The following SLC25A22 variants were observed in gnomAD, a reference collection of about 807,000 sequenced individuals.
SLC25A22 encodes the protein solute carrier family 25 member 22.
In SLC25A22, 23 loss-of-function variants were observed where a neutral mutation model predicts 33.7. The ratio of observed to expected loss-of-function variants is 0.68; its 90% CI spans 0.49 to 0.97. The LOEUF (loss-of-function observed/expected upper bound fraction) is 0.97, where lower values mean the gene tolerates loss of function less well. SLC25A22 is among the 50% of genes least tolerant of loss of function. The probability of loss-of-function intolerance (pLI) is 0.00; values close to 1 mark genes in which losing one functional copy is unlikely to be tolerated. For missense variants in SLC25A22, 390 were observed against 451.1 expected (o/e 0.86, Z 1.23); for synonymous variants, 245 against 203.8 (o/e 1.20, Z -1.72).
intron 5 of SLC25A22, 92 bp from the exon 6 acceptor site, chr11:793,080 T>C: frequency 1.6e-6 from 2 of 1,234,506 alleles, no homozygotes; most frequent in South Asian, 2.5e-5. Flanking sequence ...CAGAGGATGG[T>C]GGGAGCCGTG....
intron 5 of SLC25A22, 70 bp from the exon 6 acceptor site, chr11:793,058 C>G (rs929866727): frequency 1.4e-6 from 2 of 1,445,026 alleles, no homozygotes; most frequent in African/African-American, 1.4e-5. Flanking sequence ...GGCTGCCCAC[C>G]ATGCCTGGGC....
At position 792,583 on chromosome 11, in the gene SLC25A22, A is replaced by G; in HGVS notation, c.557T>C (p.Leu186Pro). ...CAGCGTGGCCCCGAGTCCCTTGTAG[A>G]GACCGGCAATGCCACGGCTCCGCAG... ...DLLRSRGIAG[L>P]YKGLGATLLR... Residue 186 changes from leucine to proline, a missense_variant, in exon 7 of 10, where the codon CTC (leucine) becomes CCC (proline). Transcript: ENST00000628067. The G allele has an allele frequency of 6.2e-7, 1 of 1,611,802 alleles. No individual in the cohort carries two copies.
intron 1 of SLC25A22, chr11:797,766 G>C (rs1864914682): frequency 2.5e-6 from 1 of 398,558 alleles, no homozygotes; most frequent in African/African-American, 2.1e-5. Flanking sequence ...TCGGCCAGAG[G>C]ACAAAGGAGA....
chr11:792,208 G>A lies in SLC25A22; in HGVS notation c.752C>T (p.Thr251Met), dbSNP rs1332876414. Reference sequence around the variant, plus strand: ...GCCTCGCTGAAGTGACTGGAGCCGCGTCTTCACCACTGCAAGGGGCGCTCG... The same window carrying A: ...GCCTCGCTGAAGTGACTGGAGCCGCATCTTCACCACTGCAAGGGGCGCTCG... ...VAVNPCDVVK[T>M]RLQSLQRGVN... The change falls in exon 9 of 10, where the codon ACG becomes ATG. Residue 251 changes from threonine to methionine, a missense_variant. Physicochemically the swap from Thr to Met is moderately conservative, Grantham distance 81. Coordinates refer to ENST00000628067, the MANE Select transcript of SLC25A22 (RefSeq NM_001191061.2). 7 of 1,612,856 alleles carry A rather than the reference G, an allele frequency of 4.3e-6. No homozygotes were observed. In the Admixed American group the frequency reaches 5.0e-5, roughly 12 times the overall value.
chr11:795,256 T>C, intron 1 of SLC25A22, 87 bp from the exon 2 acceptor site: 2 of 632,120 alleles, frequency 3.2e-6, no homozygotes, highest in Non-Finnish European at 5.7e-6. Flanking sequence ...ACGCAGCCCC[T>C]CACCCACCAC....
chr11:796,660 G>A (rs918871897), intron 1 of SLC25A22, among the ~76,000 whole-genome samples: 2 of 152,214 alleles, frequency 1.3e-5, no homozygotes, highest in Non-Finnish European at 2.9e-5. Context: ...TGGGATGTGT[G>A]TCTGCTAGGG....
Position 791,603 on chromosome 11 carries a change from C to G in SLC25A22, c.*312G>C. On this transcript the variant is annotated 3_prime_UTR_variant, in exon 10 of 10. Coordinates refer to ENST00000628067, the MANE Select transcript of SLC25A22 (RefSeq NM_001191061.2). ...AGCCTGCCCGGCCCAGGCCCGGGGGCCCCCAGCCCAGAGACCAGCTCTGTC... is the reference window on the plus strand; with the variant it reads ...AGCCTGCCCGGCCCAGGCCCGGGGGGCCCCAGCCCAGAGACCAGCTCTGTC... 2.3e-6 allele frequency: 1 copy of G among 441,434 alleles called. No homozygotes were observed. The highest frequency in any genetic ancestry group is 4.1e-6 in the Non-Finnish European group (1 of 242,466). The allele number at this position is 441,434 out of a possible 1,614,324, so 27.3% of individuals were successfully genotyped here. A position where few individuals can be genotyped will look rare whatever the true frequency, so the allele number is the denominator to read the frequency against.
chr11:796,298 C>T (rs933845515), intron 1 of SLC25A22: 3 of 27,700 alleles, frequency 1.1e-4, no homozygotes, highest in Non-Finnish European at 2.7e-4. Flanking sequence ...GGCCGTGGGG[C>T]GGGGTGGGGC....
chr11:795,241 C>G, intron 1 of SLC25A22, 72 bp from the exon 2 acceptor site: 1 of 652,950 alleles, frequency 1.5e-6, no homozygotes, highest in Non-Finnish European at 2.8e-6. Context: ...CAGCCTCCCT[C>G]TCTCACGCAG....
chr11:794,519 GC>G lies in SLC25A22; in HGVS notation c.147-7del, dbSNP rs1223760812. On this transcript the variant is annotated splice_region_variant and splice_polypyrimidine_tract_variant and intron_variant, in intron 3 of 9. Coordinates refer to ENST00000628067, the MANE Select transcript of SLC25A22 (RefSeq NM_001191061.2). ...TCTTGATGAGGCAGTCGGACCTGTG[GC>G]CAAGGGGACAGGGTGAGCCAGGGCC... 1.7e-5 allele frequency: 27 copies of G among 1,612,130 alleles called. No homozygotes were observed. The highest frequency in any genetic ancestry group is 2.3e-5 in the Non-Finnish European group (27 of 1,179,616).
intron 1 of SLC25A22, chr11:795,829 G>A (rs1864796768): frequency 1.3e-5 from 2 of 154,906 alleles, no homozygotes; most frequent in South Asian, 3.9e-4. Context: ...TGGAAGCCTT[G>A]GGGGTGGGGG....
chr11:794,498 G>A lies in SLC25A22; in HGVS notation c.162C>T (p.Ile54=). ...AGTAGCCCTCGGAGCGGACGGTCTT[G>A]ATGAGGCAGTCGGACCTGTGGCCAA... ...RVYTSMSDCL[I]KTVRSEGYFG... is the part of the protein sequence containing the mutation. Residue 54 remains isoleucine (I), a synonymous_variant, in exon 4 of 10, where the codon ATC becomes ATT. Transcript: ENST00000628067. 1 of 1,612,878 alleles carries A rather than the reference G, an allele frequency of 6.2e-7. No individual in the cohort carries two copies. Among genetic ancestry groups the A allele is most frequent in the Non-Finnish European group, 8.5e-7 (1 of 1,179,856 alleles).
Position 795,040 on chromosome 11 carries a change from G to A in SLC25A22, c.-34C>T. 1 of 1,552,240 alleles carries A rather than the reference G, an allele frequency of 6.4e-7. No homozygotes were observed. Among genetic ancestry groups the A allele is most frequent in the Non-Finnish European group, 8.7e-7 (1 of 1,148,072 alleles). On this transcript the variant is annotated 5_prime_UTR_variant, in exon 2 of 10. Coordinates refer to ENST00000628067, the MANE Select transcript of SLC25A22 (RefSeq NM_001191061.2). ...ATTGCACCCAGGTAGGAGCCGCAGA[G>A]GTGGACGCCAGGCCAGGCGGGGTGG...
chr11:792,166 T>C lies in SLC25A22; in HGVS notation c.794A>G (p.Tyr265Cys), dbSNP rs1434110301. 1.9e-6 allele frequency: 3 copies of C among 1,612,458 alleles called. No homozygotes were observed. The highest frequency in any genetic ancestry group is 2.5e-6 in the Non-Finnish European group (3 of 1,179,766). ...CCTGGCACAGTCCAGGATCCCAGAG[T>C]AGGTGTCCTCGTTGACGCCTCGCTG... ...SLQRGVNEDTYSGILDCARKI... is the reference protein window; with the variant it reads ...SLQRGVNEDTCSGILDCARKI... The change falls in exon 9 of 10, where the codon TAC becomes TGC. Residue 265 changes from tyrosine (Y) to cysteine (C), a missense_variant. Physicochemically the swap from Tyr to Cys is radical, Grantham distance 194. Transcript: ENST00000628067.
intron 1 of SLC25A22, chr11:797,853 T>A: frequency 2.5e-6 from 1 of 398,634 alleles, no homozygotes; most frequent in East Asian, 3.6e-5. Flanking sequence ...AGCCGACCGC[T>A]CCGTCCTCCG....
chr11:797,764 A>T (rs1195031902), intron 1 of SLC25A22: 1 of 398,600 alleles, frequency 2.5e-6, no homozygotes, highest in East Asian at 3.6e-5. Context: ...CCTCGGCCAG[A>T]GGACAAAGGA....
chr11:796,595 G>A (rs879482875), intron 1 of SLC25A22, among the ~76,000 whole-genome samples: 1 of 152,210 alleles, frequency 6.6e-6, no homozygotes, highest in Non-Finnish European at 1.5e-5. Flanking sequence ...GTATGTACCT[G>A]GACAGGGAAT....
intron 5 of SLC25A22, 54 bp downstream of exon 5, chr11:793,475 A>C: frequency 6.4e-7 from 1 of 1,567,680 alleles, no homozygotes; most frequent in Non-Finnish European, 8.8e-7. Context: ...GGGTGGACCC[A>C]TCCTTTATCT....
At chr11:793,185 AG>A (rs1346067989) in intron 5 of SLC25A22, among the ~76,000 whole-genome samples, 197 bp from the exon 6 acceptor site, 1 of 152,186 alleles carries the variant, frequency 6.6e-6, no homozygotes, top group Non-Finnish European at 1.5e-5. Context: ...CCCCACAGGC[AG>A]GGGCCTGGGG....
Sources: gnomAD v4.1 joint callset for allele counts (sites outside exome capture counted in the v4.1 genomes callset) on GRCh38, gnomAD v4.1.1 for gene constraint, MANE v1.5 for transcripts, NCBI Gene and HGNC (gene_info 2026-07-23, HGNC 2026-07-21) for gene names.